ANO10: variants seen among roughly 807,000 people sequenced by gnomAD.
ANO10 encodes the protein anoctamin-10.
A neutral mutation model predicts 74.7 loss-of-function variants in ANO10; 77 were observed. That is an observed-to-expected ratio of 1.03 (90% CI 0.86 to 1.25). ANO10 has a LOEUF of 1.25. Ranked by LOEUF, ANO10 falls within the 50% of genes most tolerant of loss-of-function variation. The pLI is 0.00. For missense variants in ANO10, 721 were observed against 778.1 expected (o/e 0.93, Z 0.87); for synonymous variants, 279 against 284.9 (o/e 0.98, Z 0.21).
intron 12 of ANO10, 61 bp from the exon 13 acceptor site, chr3:43,367,035 C>T: frequency 6.7e-7 from 1 of 1,501,508 alleles, no homozygotes; most frequent in Non-Finnish European, 9.1e-7. Context: ...GCCGAGGCCT[C>T]TGCTCTCTGT....
intron 1 of ANO10, among the ~76,000 whole-genome samples, chr3:43,613,094 G>A (rs1283489156): frequency 1.3e-5 from 2 of 152,064 alleles, no homozygotes; most frequent in Non-Finnish European, 2.9e-5. Flanking sequence ...CTTGAACCTG[G>A]GAGGTGGAGG....
chr3:43,478,495 A>T (rs1419961819), intron 11 of ANO10, among the ~76,000 whole-genome samples: 1 of 152,172 alleles, frequency 6.6e-6, no homozygotes, highest in Admixed American at 6.5e-5. Context: ...TGACTCCAGG[A>T]CCCATGCTTT....
chr3:43,523,034 A>T (rs1408560889), intron 11 of ANO10, among the ~76,000 whole-genome samples: 1 of 152,230 alleles, frequency 6.6e-6, no homozygotes, highest in Non-Finnish European at 1.5e-5. Flanking sequence ...GGGAGGGGGC[A>T]TCTGCCATGA....
At chr3:43,625,000 G>T (rs1486565747), upstream of ANO10, among the ~76,000 whole-genome samples, 1 of 152,168 alleles carries the variant, frequency 6.6e-6, no homozygotes, top group Non-Finnish European at 1.5e-5. Flanking sequence ...CAGAATTAGG[G>T]ATTCCTTTCT....
chr3:43,374,848 C>T (rs1305573723), intron 12 of ANO10, among the ~76,000 whole-genome samples: 5 of 152,148 alleles, frequency 3.3e-5, no homozygotes, highest in East Asian at 1.9e-4. Flanking sequence ...TGGCCGGGCG[C>T]GGTGGCTCAC....
chr3:43,384,423 A>T (rs1186849797), intron 12 of ANO10, among the ~76,000 whole-genome samples: 1 of 152,200 alleles, frequency 6.6e-6, no homozygotes, highest in Non-Finnish European at 1.5e-5. Context: ...AACTACAAAA[A>T]ACAATCCTAA....
At position 43,576,875 on chromosome 3, in the gene ANO10, A is replaced by G; in HGVS notation, c.979T>C (p.Tyr327His). The change falls in exon 6 of 13, where the codon TAT becomes CAT. Residue 327 changes from tyrosine to histidine, a missense_variant. Tyr to His is a moderately conservative substitution (Grantham distance 83). Transcript: ENST00000292246. ...VSLPFVCLCL[Y>H]FSLYVMMIYF... ...ATCATCATGACATACAGTGAGAAAT[A>G]GAGGCAGAGGCACACGAATGGCAGG... 6.2e-7 allele frequency: 1 copy of G among 1,614,234 alleles called. No individual in the cohort carries two copies. The highest frequency in any genetic ancestry group is 1.7e-5 in the Admixed American group (1 of 60,028).
At chr3:43,470,494 C>G (rs1028469072) in intron 11 of ANO10, among the ~76,000 whole-genome samples, 1 of 152,190 alleles carries the variant, frequency 6.6e-6, no homozygotes. Context: ...GCTGGGACTA[C>G]AGGCGCGCCT....
chr3:43,434,071 A>T (rs1449475336), intron 11 of ANO10, among the ~76,000 whole-genome samples: 4 of 152,224 alleles, frequency 2.6e-5, no homozygotes, highest in Admixed American at 6.5e-5. Flanking sequence ...AGAAGCATGA[A>T]ATAGTGAAGG....
chr3:43,585,110 AT>A lies in ANO10; in HGVS notation c.473-4639del, dbSNP rs3836222. ...AAATAGGTCATAGTTTTAATTATGC[AT>A]ATACCACTTTTCTTCAACCAAGTAT... On this transcript the variant is annotated intron_variant, in intron 4 of 12. Coordinates refer to ENST00000292246, the MANE Select transcript of ANO10 (RefSeq NM_018075.5). Among the ~76,000 whole-genome samples the A allele has an allele frequency of 2.0e-5, 3 of 152,222 alleles. No individual in the cohort carries two copies. In the East Asian group the frequency reaches 5.8e-4, roughly 29 times the overall value.
At chr3:43,494,345 C>G (rs984185922) in intron 11 of ANO10, among the ~76,000 whole-genome samples, 13 of 152,086 alleles carry the variant, frequency 8.5e-5, no homozygotes, top group Non-Finnish European at 1.6e-4. Flanking sequence ...CCCAGCTACT[C>G]AGGCGGCTGA....
intron 12 of ANO10, among the ~76,000 whole-genome samples, chr3:43,388,225 T>A (rs2092179944): frequency 6.6e-6 from 1 of 152,138 alleles, no homozygotes; most frequent in Non-Finnish European, 1.5e-5. Flanking sequence ...CTCCTGAGTG[T>A]GCAAGTGCTT....
chr3:43,622,936 G>C (rs1230502002), upstream of ANO10, among the ~76,000 whole-genome samples: 1 of 152,190 alleles, frequency 6.6e-6, no homozygotes, highest in Non-Finnish European at 1.5e-5. Context: ...CGCAGTCTCG[G>C]CTCACTGCAA....
chr3:43,567,297 G>T (rs2080417967), intron 7 of ANO10, among the ~76,000 whole-genome samples: 1 of 151,298 alleles, frequency 6.6e-6, no homozygotes, highest in African/African-American at 2.4e-5. Flanking sequence ...AATCTAGCAA[G>T]GCAGGCCAAC....
chr3:43,466,576 A>G (rs2149042128), intron 11 of ANO10, among the ~76,000 whole-genome samples: 1 of 152,246 alleles, frequency 6.6e-6, no homozygotes, highest in East Asian at 1.9e-4. Flanking sequence ...TAGGAAAACA[A>G]TGAACCTTAA....
chr3:43,474,516 CAT>C (rs1217203345), intron 11 of ANO10, among the ~76,000 whole-genome samples: 2 of 152,114 alleles, frequency 1.3e-5, no homozygotes. Context: ...CATTAAGAGA[CAT>C]ATTCATTAAC....
At chr3:43,630,794 G>T (rs1412128579) in intron 1 of ANO10, among the ~76,000 whole-genome samples, 1 of 152,128 alleles carries the variant, frequency 6.6e-6, no homozygotes, top group African/African-American at 2.4e-5. Flanking sequence ...CATTGTTTTT[G>T]TTCCTGCTCT....
At chr3:43,570,048 CAGAG>C (rs1258083896) in intron 7 of ANO10, among the ~76,000 whole-genome samples, 2 of 146,830 alleles carry the variant, frequency 1.4e-5, no homozygotes, top group Non-Finnish European at 3.0e-5. Flanking sequence ...CAACAACAGA[CAGAG>C]AGCCAAATCA....
At chr3:43,660,963 T>C (rs2083918919) in intron 1 of ANO10, among the ~76,000 whole-genome samples, 1 of 151,706 alleles carries the variant, frequency 6.6e-6, no homozygotes, top group Non-Finnish European at 1.5e-5. Context: ...TCAAAAACAA[T>C]AAAAAGAAAA....
Sources: allele counts gnomAD v4.1 joint callset (sites outside exome capture counted in the v4.1 genomes callset), GRCh38; gene constraint gnomAD v4.1.1; transcripts MANE v1.5; gene names NCBI Gene and HGNC (gene_info 2026-07-23, HGNC 2026-07-21).